DCTD: variants seen among roughly 807,000 people sequenced by gnomAD.
DCTD encodes the protein dCMP deaminase, also known as deoxycytidylate deaminase.
A neutral mutation model predicts 21.0 loss-of-function variants in DCTD; 23 were observed. That is an observed-to-expected ratio of 1.09 (90% CI 0.79 to 1.55). DCTD has a LOEUF of 1.55. Among genes scored for constraint, DCTD ranks in the 40% most tolerant of loss-of-function variants. The pLI is 0.00. For synonymous variants in DCTD, 71 were observed against 81.1 expected (o/e 0.88, Z 0.67); for missense variants, 224 against 230.0 (o/e 0.97, Z 0.17).
rs28433797 is a variant in DCTD, at chr4:182,914,636, A to C, written c.244+287T>G. 3.3e-5 allele frequency among the ~76,000 whole-genome samples: 5 copies of C among 152,100 alleles called. No individual in the cohort carries two copies. The South Asian group carries it at 8.3e-4, about 25-fold the overall frequency. ...CTGCAGAGACGCCGACTATCAGTGCACTGGTGTGGTGCAGGCCAGCAGGTT... is the reference window on the plus strand; with the variant it reads ...CTGCAGAGACGCCGACTATCAGTGCCCTGGTGTGGTGCAGGCCAGCAGGTT... On this transcript the variant is annotated intron_variant, in intron 3 of 5. Coordinates refer to ENST00000438320, the MANE Select transcript of DCTD (RefSeq NM_001921.3).
intron 3 of DCTD, among the ~76,000 whole-genome samples, chr4:182,896,393 A>G (rs1017041217): frequency 2.0e-5 from 3 of 152,248 alleles, no homozygotes; most frequent in Non-Finnish European, 2.9e-5. Flanking sequence ...TACAAATTCC[A>G]TGTTTTAGGA....
At chr4:182,908,636 T>C (rs947380448) in intron 3 of DCTD, among the ~76,000 whole-genome samples, 2 of 142,196 alleles carry the variant, frequency 1.4e-5, no homozygotes, top group Non-Finnish European at 3.0e-5. Flanking sequence ...TGAGCCAAGA[T>C]TGTGCCACTG....
intron 3 of DCTD, among the ~76,000 whole-genome samples, chr4:182,912,323 T>C (rs1025468319): frequency 6.6e-6 from 1 of 152,192 alleles, no homozygotes; most frequent in Middle Eastern, 3.2e-3. Context: ...CTTTACTGTA[T>C]TATGGCGGCA....
At chr4:182,908,049 G>A (rs996218038) in intron 3 of DCTD, among the ~76,000 whole-genome samples, 10 of 150,028 alleles carry the variant, frequency 6.7e-5, no homozygotes, top group Admixed American at 5.3e-4. Context: ...AAAAAAAAAA[G>A]TCTTCAGGAA....
At chr4:182,917,545 A>G, upstream of DCTD, 1 of 230,634 alleles carries the variant, frequency 4.3e-6, no homozygotes, top group Admixed American at 6.1e-5. This position sits in a 1 kb window ranked among gnomAD's most constrained non-coding sequence, Gnocchi z 4.9. Context: ...GCGTCGCCGT[A>G]CGCCTCCCGG....
chr4:182,914,030 CAG>C (rs1317827239), intron 3 of DCTD, among the ~76,000 whole-genome samples: 3 of 152,054 alleles, frequency 2.0e-5, no homozygotes, highest in Non-Finnish European at 4.4e-5. Flanking sequence ...TTTTTTGAGA[CAG>C]AGTCTTGCTC....
At position 182,891,238 on chromosome 4, in the gene DCTD, C is replaced by A; in HGVS notation, c.*161G>T. ...TCAAACACATGTAGATTCCATGTGA[C>A]AAGAGAGACAGTAAGGAAGATTTGA... On this transcript the variant is annotated 3_prime_UTR_variant, in exon 6 of 6. Transcript: ENST00000438320. 1.6e-6 allele frequency: 1 copy of A among 641,176 alleles called. No homozygotes were observed. The highest frequency in any genetic ancestry group is 2.5e-5 in the East Asian group (1 of 39,536). 39.7% of individuals were successfully genotyped at this position (641,176 alleles called of 1,614,324 possible).
intron 3 of DCTD, among the ~76,000 whole-genome samples, chr4:182,902,668 G>A (rs936881536): frequency 1.3e-5 from 2 of 152,226 alleles, no homozygotes; most frequent in African/African-American, 2.4e-5. Context: ...CAGTTTCCCA[G>A]GTATGTTCTG....
At chr4:182,905,294 G>A (rs1020892500) in intron 3 of DCTD, among the ~76,000 whole-genome samples, 1 of 150,628 alleles carries the variant, frequency 6.6e-6, no homozygotes, top group East Asian at 2.0e-4. Flanking sequence ...AGGCCTCTTG[G>A]CAGCCTCCGA....
At chr4:182,905,303 G>A (rs1322608272) in intron 3 of DCTD, among the ~76,000 whole-genome samples, 2 of 149,334 alleles carry the variant, frequency 1.3e-5, no homozygotes, top group East Asian at 2.0e-4. Context: ...GGCAGCCTCC[G>A]ATACAGCTGA....
In DCTD at chr4:182,897,184, T is replaced by A. The variant is rs140111561; in HGVS notation, c.245-2579A>T. Among the ~76,000 whole-genome samples, 1,131 of 152,270 alleles carry A rather than the reference T, an allele frequency of 7.4e-3. 10 individuals carry two copies. The highest frequency in any genetic ancestry group is 0.026 in the African/African-American group (1,071 of 41,554). ...AGATTCTCTTGGGCAGCATCTGACA[T>A]CCCTGTGTACAGAGGGCGATTTATA... On this transcript the variant is annotated intron_variant, in intron 3 of 5. Transcript: ENST00000438320.
rs1734058875 is a variant in DCTD, at chr4:182,892,975, T to A, written c.458+56A>T. ...CAAGGAGGAGACAAGGTCAAATACA[T>A]CTCTTCATCAGCCTTCACCCTACCC... On this transcript the variant is annotated intron_variant, in intron 5 of 5. Transcript: ENST00000438320. The A allele has an allele frequency of 3.8e-6, 4 of 1,050,982 alleles. No individual in the cohort carries two copies. The South Asian group carries it at 5.2e-5, about 14-fold the overall frequency. The allele number at this position is 1,050,982 out of a possible 1,614,324, so 65.1% of individuals were successfully genotyped here. A position where few individuals can be genotyped will look rare whatever the true frequency, so the allele number is the denominator to read the frequency against.
intron 1 of DCTD, chr4:182,916,020 G>A: frequency 3.2e-6 from 1 of 311,678 alleles, no homozygotes; most frequent in Non-Finnish European, 4.8e-6. Flanking sequence ...AAGGTAGACA[G>A]TGCCATCCCA....
intron 3 of DCTD, among the ~76,000 whole-genome samples, chr4:182,904,717 C>T (rs1272148484): frequency 6.6e-6 from 1 of 152,068 alleles, no homozygotes; most frequent in Non-Finnish European, 1.5e-5. Context: ...CTTCTCCCGG[C>T]ATCCAAGCTC....
intron 1 of DCTD, 39 bp from the exon 2 acceptor site, chr4:182,915,614 C>T (rs1408204035): frequency 1.5e-6 from 2 of 1,348,748 alleles, no homozygotes; most frequent in African/African-American, 1.4e-5. Flanking sequence ...TTGAGAGAAG[C>T]ATTTTAGTAA....
At chr4:182,913,834 C>T (rs1410503198) in intron 3 of DCTD, among the ~76,000 whole-genome samples, 2 of 152,194 alleles carry the variant, frequency 1.3e-5, no homozygotes, top group African/African-American at 2.4e-5. Context: ...TGGCTGGACC[C>T]TCCCAGGCAA....
intron 1 of DCTD, chr4:182,916,552 T>C (rs1357555829): frequency 2.0e-6 from 2 of 988,404 alleles, no homozygotes; most frequent in Non-Finnish European, 2.4e-6. Flanking sequence ...AAGACAAGGA[T>C]GCAGTGGAGA....
At position 182,891,293 on chromosome 4, in the gene DCTD, G is replaced by T; in HGVS notation, c.*106C>A. On this transcript the variant is annotated 3_prime_UTR_variant, in exon 6 of 6. Coordinates refer to ENST00000438320, the MANE Select transcript of DCTD (RefSeq NM_001921.3). ...TTATATTCTTTAGATGCCTACTTTT[G>T]CCATACTGGCTAGTAAGAAGTTATG... 1.3e-6 allele frequency: 1 copy of T among 761,808 alleles called. No homozygotes were observed. The highest frequency in any genetic ancestry group is 2.3e-6 in the Non-Finnish European group (1 of 432,700). 47.2% of individuals were successfully genotyped at this position (761,808 alleles called of 1,614,324 possible).
intron 1 of DCTD, chr4:182,916,628 C>A (rs1346360456): frequency 3.0e-6 from 3 of 999,002 alleles, no homozygotes; most frequent in Non-Finnish European, 3.6e-6. Context: ...CCTGGCAACC[C>A]CCCTAACAGG....
Sources: allele counts gnomAD v4.1 joint callset (sites outside exome capture counted in the v4.1 genomes callset), GRCh38; gene constraint gnomAD v4.1.1; non-coding constraint Gnocchi (gnomAD v3.1); transcripts MANE v1.5; gene names NCBI Gene and HGNC (gene_info 2026-07-23, HGNC 2026-07-21).